Variants in AFTPH observed in about 807,000 individuals in gnomAD.
The protein encoded by AFTPH is aftiphilin protein.
A neutral mutation model predicts 72.5 loss-of-function variants in AFTPH; 7 were observed. That is an observed-to-expected ratio of 0.10 (90% CI 0.05 to 0.18). AFTPH has a LOEUF of 0.18. Ranked by LOEUF, AFTPH falls within the 10% of genes least tolerant of loss-of-function variation. AFTPH has a pLI of 1.00. For missense variants in AFTPH, 979 were observed against 1,060.5 expected (o/e 0.92, Z 1.07); for synonymous variants, 337 against 370.1 (o/e 0.91, Z 1.03).
At chr2:64,551,365 G>A (rs1002743035) in intron 1 of AFTPH, 78 bp from the exon 2 acceptor site, 1 of 1,158,692 alleles carries the variant, frequency 8.6e-7, no homozygotes, top group Non-Finnish European at 1.2e-6. Flanking sequence ...TTGTTTTAAA[G>A]TAGCTTTGAG....
At chr2:64,576,597 C>G (rs1672817553) in intron 6 of AFTPH, among the ~76,000 whole-genome samples, 1 of 152,158 alleles carries the variant, frequency 6.6e-6, no homozygotes. Flanking sequence ...AAGGTCAATA[C>G]TTTACACTTT....
rs116696019 is a variant in AFTPH, at chr2:64,576,496, T to G, written c.2395-2990T>G. On this transcript the variant is annotated intron_variant, in intron 6 of 8. Coordinates refer to ENST00000238856, the Ensembl canonical transcript of AFTPH. ...TAGTTTAAGGGTGAAAACAGTAATT[T>G]TACCTTTTTTGGGATTGTGTGTGTG... Among the ~76,000 whole-genome samples, 697 of 152,308 alleles carry G rather than the reference T, an allele frequency of 4.6e-3. 3 individuals are homozygous for G. Among genetic ancestry groups the G allele is most frequent in the African/African-American group, 0.014 (569 of 41,562 alleles).
exon 9 of AFTPH, chr2:64,592,363 C>G (rs1673880484): frequency 5.9e-6 from 1 of 170,618 alleles, no homozygotes. Flanking sequence ...AAAAAAAAAA[C>G]TCAAATCTTC....
chr2:64,591,928 A>G (rs1206627099), exon 9 of AFTPH: 1 of 1,614,094 alleles, frequency 6.2e-7, no homozygotes, highest in East Asian at 2.2e-5. Context: ...AGAAGCTATC[A>G]AGGTGATCGC....
At chr2:64,524,392 C>T (rs974451375) in exon 1 of AFTPH, 3 of 403,572 alleles carry the variant, frequency 7.4e-6, no homozygotes, top group Middle Eastern at 6.1e-4. Flanking sequence ...GAGGAGGCGG[C>T]GGCGGCGGCG....
intron 1 of AFTPH, among the ~76,000 whole-genome samples, chr2:64,545,875 GT>G (rs577516093): frequency 2.0e-5 from 3 of 151,074 alleles, no homozygotes; most frequent in East Asian, 1.9e-4. Flanking sequence ...ACAAACGCAA[GT>G]TTTTTTTTGT....
chr2:64,550,830 T>C (rs1223059311), intron 1 of AFTPH, among the ~76,000 whole-genome samples: 1 of 152,196 alleles, frequency 6.6e-6, no homozygotes, highest in East Asian at 1.9e-4. Context: ...ACCTTATTAC[T>C]ATATTACCAT....
intron 7 of AFTPH, chr2:64,581,215 C>T (rs1315683245): frequency 5.0e-6 from 8 of 1,600,042 alleles, no homozygotes; most frequent in Non-Finnish European, 6.0e-6. Context: ...CTCTTCTGAA[C>T]CTTGATTTCT....
chr2:64,532,617 TG>T (rs958947169), intron 1 of AFTPH, among the ~76,000 whole-genome samples: 2 of 152,216 alleles, frequency 1.3e-5, no homozygotes, highest in African/African-American at 4.8e-5. Flanking sequence ...TAGAGAGCCC[TG>T]GAACATGACC....
At chr2:64,555,344 T>C (rs1296776691) in intron 2 of AFTPH, among the ~76,000 whole-genome samples, 1 of 152,058 alleles carries the variant, frequency 6.6e-6, no homozygotes, top group Non-Finnish European at 1.5e-5. Context: ...GTGGATCACT[T>C]GAGGTCAGGA....
At chr2:64,569,054 G>A (rs759465754) in intron 3 of AFTPH, 38 bp from the exon 4 acceptor site, 3 of 1,612,926 alleles carry the variant, frequency 1.9e-6, no homozygotes, top group Non-Finnish European at 2.5e-6. Context: ...AAGTTATTGA[G>A]TAACCTGTTG....
At chr2:64,548,165 G>A (rs1340488844) in intron 1 of AFTPH, among the ~76,000 whole-genome samples, 3 of 145,022 alleles carry the variant, frequency 2.1e-5, no homozygotes, top group Non-Finnish European at 4.6e-5. Context: ...AGGCCGAGGC[G>A]GGTGGATCAT....
chr2:64,525,054 C>A (rs1008963673), intron 1 of AFTPH, among the ~76,000 whole-genome samples: 1 of 152,212 alleles, frequency 6.6e-6, no homozygotes, highest in East Asian at 1.9e-4. Flanking sequence ...CACCGAGGCC[C>A]GAGGCTGGCC....
intron 1 of AFTPH, among the ~76,000 whole-genome samples, chr2:64,550,602 T>C (rs1156480144): frequency 2.0e-5 from 3 of 151,626 alleles, no homozygotes; most frequent in African/African-American, 7.3e-5. Flanking sequence ...TTTGTGTTGA[T>C]AGAACAGTTC....
intron 6 of AFTPH, among the ~76,000 whole-genome samples, chr2:64,578,270 A>G (rs1168433882): frequency 6.6e-6 from 1 of 152,228 alleles, no homozygotes; most frequent in Non-Finnish European, 1.5e-5. Flanking sequence ...AGAAAAAAAT[A>G]TAAAGTTTTA....
At chr2:64,533,616 C>A (rs1361059172) in intron 1 of AFTPH, among the ~76,000 whole-genome samples, 2 of 151,732 alleles carry the variant, frequency 1.3e-5, no homozygotes, top group Non-Finnish European at 2.9e-5. Flanking sequence ...TGCCTATCAC[C>A]ATTGTTATGA....
chr2:64,557,264 A>G (rs1275009217), intron 2 of AFTPH, among the ~76,000 whole-genome samples: 3 of 152,214 alleles, frequency 2.0e-5, no homozygotes, highest in East Asian at 1.9e-4. Flanking sequence ...TGTTCTGGAT[A>G]TCATTTAGAA....
chr2:64,567,576 C>T (rs777595816), exon 3 of AFTPH: 15 of 1,607,398 alleles, frequency 9.3e-6, no homozygotes, highest in African/African-American at 2.7e-5. Flanking sequence ...CTTTATTAAA[C>T]CGCCTGGAGC....
chr2:64,571,324 C>T (rs1044759458), intron 5 of AFTPH, among the ~76,000 whole-genome samples: 1 of 150,784 alleles, frequency 6.6e-6, no homozygotes, highest in Non-Finnish European at 1.5e-5. Flanking sequence ...GCACGTCTGA[C>T]AAGTTCCAAG....
Sources: gnomAD v4.1 joint callset for allele counts (sites outside exome capture counted in the v4.1 genomes callset) on GRCh38, gnomAD v4.1.1 for gene constraint, MANE v1.5 for transcripts, NCBI Gene and HGNC (gene_info 2026-07-23, HGNC 2026-07-21) for gene names.